Variants in INSL6 observed in about 807,000 individuals in gnomAD.
INSL6 encodes insulin-like peptide INSL6.
INSL6 carries 16 observed loss-of-function variants against 9.4 expected under a neutral mutation model. The observed-to-expected ratio is 1.70, with a 90% CI of 1.15 to 2.59. The LOEUF is 2.59. INSL6 is among the 30% of genes most tolerant of loss of function. The pLI, the probability that INSL6 is intolerant of heterozygous loss-of-function variation, is 0.00. For missense variants in INSL6, 391 were observed against 257.3 expected (o/e 1.52, Z -3.56); for synonymous variants, 154 against 96.9 (o/e 1.59, Z -3.46).
At chr9:5,081,923 C>G in the INSL6 span, 1 of 1,367,572 alleles carries the variant, frequency 7.3e-7, no homozygotes, top group Non-Finnish European at 1.0e-6. Context: ...AACTTAAGAG[C>G]GTTTCTAAAG....
intron 2 of INSL6, among the ~76,000 whole-genome samples, chr9:5,153,582 C>T (rs888967156): frequency 3.9e-5 from 6 of 152,182 alleles, no homozygotes; most frequent in Non-Finnish European, 1.5e-5. Context: ...AAAACCCCAT[C>T]GTCTCAGCCC....
At chr9:5,054,781 G>C in the INSL6 span, 18 of 1,612,760 alleles carry the variant, frequency 1.1e-5, no homozygotes, top group Non-Finnish European at 1.5e-5. The surrounding 1 kb of genome is among the most constrained non-coding windows in gnomAD (Gnocchi z 4.9). Context: ...CCTGGAAGTG[G>C]TCCTTCAGGT....
the INSL6 span, among the ~76,000 whole-genome samples, chr9:5,015,899 A>G: frequency 6.8e-6 from 1 of 146,764 alleles, no homozygotes; most frequent in African/African-American, 2.8e-5. Flanking sequence ...ATATAAAAAG[A>G]GTAAAAAATA....
the INSL6 span, among the ~76,000 whole-genome samples, chr9:5,046,292 A>G: frequency 0.09 from 13,619 of 152,100 alleles, 1,820 homozygotes; most frequent in African/African-American, 0.29. Flanking sequence ...TATAGAAATT[A>G]TTATTCTGGA....
the INSL6 span, among the ~76,000 whole-genome samples, chr9:5,084,049 G>T: frequency 0.62 from 94,177 of 151,896 alleles, 31,025 homozygotes; most frequent in African/African-American, 0.86. Context: ...TTGAGTTAAT[G>T]TTCTTTTGCT....
the INSL6 span, among the ~76,000 whole-genome samples, chr9:5,000,694 G>A: frequency 6.6e-6 from 1 of 152,114 alleles, no homozygotes; most frequent in South Asian, 2.1e-4. Context: ...GTTTTAATAC[G>A]TCTGTAATTT....
the INSL6 span, among the ~76,000 whole-genome samples, chr9:5,013,442 A>G: frequency 6.6e-6 from 1 of 152,238 alleles, no homozygotes; most frequent in Non-Finnish European, 1.5e-5. Context: ...AAACATTTAA[A>G]TGTATTTTAT....
At chr9:5,119,790 G>A (rs1468532465), downstream of INSL6, among the ~76,000 whole-genome samples, 1 of 151,998 alleles carries the variant, frequency 6.6e-6, no homozygotes, top group Non-Finnish European at 1.5e-5. Flanking sequence ...ATTTTCATAT[G>A]TACTTAATGA....
At chr9:5,163,189 T>A (rs1237820689), downstream of INSL6, among the ~76,000 whole-genome samples, 1 of 152,160 alleles carries the variant, frequency 6.6e-6, no homozygotes, top group African/African-American at 2.4e-5. Context: ...AGGTGAGACT[T>A]TAGAACTGCA....
chr9:4,993,223 A>G, the INSL6 span, among the ~76,000 whole-genome samples: 2 of 152,204 alleles, frequency 1.3e-5, no homozygotes, highest in East Asian at 1.9e-4. Context: ...CTGTGGGACA[A>G]CACCCTTAAG....
At chr9:5,111,765 G>T in the INSL6 span, 2 of 421,454 alleles carry the variant, frequency 4.7e-6, no homozygotes, top group Non-Finnish European at 9.3e-6. Context: ...GTGAACGGTG[G>T]GCTTCCGGCT....
the INSL6 span, chr9:5,114,489 C>T: frequency 2.1e-6 from 1 of 466,168 alleles, no homozygotes; most frequent in Non-Finnish European, 4.3e-6. Flanking sequence ...CCCATGTGCT[C>T]CCCCACAGGT....
At chr9:5,095,978 G>C in the INSL6 span, among the ~76,000 whole-genome samples, 1 of 152,028 alleles carries the variant, frequency 6.6e-6, no homozygotes, top group African/African-American at 2.4e-5. Flanking sequence ...CTATCCCTAG[G>C]AGCTTTACCT....
the INSL6 span, among the ~76,000 whole-genome samples, chr9:5,015,546 TTTTTTTG>T: frequency 6.6e-6 from 1 of 151,586 alleles, no homozygotes. Context: ...TTCTTTTTTT[TTTTTTTG>T]AGACAAGGTC....
At chr9:5,159,663 G>A (rs1478710967), downstream of INSL6, among the ~76,000 whole-genome samples, 1 of 152,158 alleles carries the variant, frequency 6.6e-6, no homozygotes, top group East Asian at 1.9e-4. Flanking sequence ...AAACATTGTT[G>A]GAGCTAATGA....
At position 5,130,966 on chromosome 9, in the gene INSL6, T is replaced by C. The variant is rs577719618; in HGVS notation, c.*10+2459A>G. On this transcript the variant is annotated intron_variant, in intron 3 of 3. Transcript: ENST00000649639. ...GGATGGTCTCGATCTCCTGACCTCA[T>C]GATCCGCCCGCCTCGGCCTCCCAAA... Among the ~76,000 whole-genome samples, 4 of 151,942 alleles carry C rather than the reference T, an allele frequency of 2.6e-5. No individual in the cohort carries two copies. In the East Asian group the frequency reaches 7.8e-4, roughly 29 times the overall value.
At chr9:5,165,286 CT>C (rs1825026018) in intron 1 of INSL6, among the ~76,000 whole-genome samples, 1 of 152,154 alleles carries the variant, frequency 6.6e-6, no homozygotes, top group South Asian at 2.1e-4. Context: ...GTTTTGAATT[CT>C]TTGGGATGTA....
chr9:5,081,890 G>A, the INSL6 span: 3 of 1,566,208 alleles, frequency 1.9e-6, no homozygotes, highest in Non-Finnish European at 2.6e-6. Flanking sequence ...TTCAAATAGA[G>A]TATAATCATT....
the INSL6 span, chr9:5,040,919 C>T: frequency 3.0e-6 from 1 of 333,590 alleles, no homozygotes; most frequent in Non-Finnish European, 5.7e-6. Flanking sequence ...CAGACGCTGC[C>T]GGCAGCCTGG....
Sources: gnomAD v4.1 joint callset for allele counts (sites outside exome capture counted in the v4.1 genomes callset) on GRCh38, gnomAD v4.1.1 for gene constraint, Gnocchi (gnomAD v3.1) non-coding constraint, MANE v1.5 for transcripts, NCBI Gene and HGNC (gene_info 2026-07-23, HGNC 2026-07-21) for gene names.